CCDC172: variants seen among roughly 807,000 people sequenced by gnomAD.
The protein encoded by CCDC172 is coiled-coil domain-containing protein 172.
Under a neutral mutation model 38.0 loss-of-function variants are expected in CCDC172, and 30 were observed. The observed-to-expected ratio is 0.79, with a 90% confidence interval of 0.59 to 1.07. The LOEUF is 1.07. CCDC172 is among the 50% of genes least tolerant of loss of function. The pLI is 0.00. For missense variants in CCDC172, 297 were observed against 290.1 expected (o/e 1.02, Z -0.17); for synonymous variants, 78 against 88.3 (o/e 0.88, Z 0.66).
chr10:116,357,271 C>T (rs1467026418), intron 5 of CCDC172, 109 bp from the exon 6 acceptor site: 8 of 643,100 alleles, frequency 1.2e-5, no homozygotes, highest in South Asian at 8.1e-5. Flanking sequence ...GTGTTGTCTT[C>T]ACTTTCTTTC....
chr10:116,378,168 G>A (rs1164274769), intron 7 of CCDC172, among the ~76,000 whole-genome samples: 2 of 152,118 alleles, frequency 1.3e-5, no homozygotes, highest in Admixed American at 6.5e-5. Flanking sequence ...ATGACAGAGC[G>A]AGACTCCATC....
chr10:116,348,056 T>C (rs749906546), intron 5 of CCDC172, among the ~76,000 whole-genome samples: 2 of 152,184 alleles, frequency 1.3e-5, no homozygotes, highest in Non-Finnish European at 2.9e-5. Flanking sequence ...GTGTGTATTA[T>C]GTTGATTTCA....
At chr10:116,353,369 T>C (rs1844956476) in intron 5 of CCDC172, among the ~76,000 whole-genome samples, 1 of 152,126 alleles carries the variant, frequency 6.6e-6, no homozygotes, top group South Asian at 2.1e-4. Flanking sequence ...GCACAAGCAA[T>C]AAAGTATAGA....
intron 5 of CCDC172, among the ~76,000 whole-genome samples, chr10:116,353,186 C>A (rs1208755292): frequency 7.1e-6 from 1 of 141,048 alleles, no homozygotes; most frequent in African/African-American, 3.0e-5. Context: ...GAGCGAGACT[C>A]CATCTCAAAA....
chr10:116,348,753 C>T (rs1413757613), intron 5 of CCDC172, among the ~76,000 whole-genome samples: 2 of 152,206 alleles, frequency 1.3e-5, no homozygotes, highest in Non-Finnish European at 2.9e-5. Context: ...CCTCACCCAG[C>T]AGCTTCTTTG....
chr10:116,352,516 G>C (rs552917839), intron 5 of CCDC172, among the ~76,000 whole-genome samples: 1 of 152,142 alleles, frequency 6.6e-6, no homozygotes, highest in African/African-American at 2.4e-5. Context: ...CTAAATGGAG[G>C]ATATAAAAAT....
At chr10:116,362,894 T>A (rs1295874987) in intron 7 of CCDC172, among the ~76,000 whole-genome samples, 1 of 152,182 alleles carries the variant, frequency 6.6e-6, no homozygotes, top group Non-Finnish European at 1.5e-5. Flanking sequence ...CTAATAGAGA[T>A]CCCCTGTTTT....
Position 116,342,124 on chromosome 10 carries a change from AAAG to A in CCDC172, c.373_375del (p.Arg125del), listed in dbSNP as rs1326655852. 3.9e-6 allele frequency: 6 copies of A among 1,552,274 alleles called. No individual in the cohort carries two copies. On this transcript the variant is annotated inframe_deletion, in exon 5 of 9. Coordinates refer to ENST00000333254, the MANE Select transcript of CCDC172 (RefSeq NM_198515.3). ...AATAATGATTATGAAATAACAAAGA[AAAG>A]AGAGCTTTTGATGAAAGAAAATGTC...
intron 3 of CCDC172, among the ~76,000 whole-genome samples, chr10:116,339,663 A>T (rs542753345): frequency 6.6e-6 from 1 of 151,944 alleles, no homozygotes; most frequent in African/African-American, 2.4e-5. Flanking sequence ...ATGGGCTACG[A>T]TCTTATATAA....
intron 5 of CCDC172, among the ~76,000 whole-genome samples, chr10:116,354,189 C>T (rs1221905873): frequency 1.3e-5 from 2 of 152,120 alleles, no homozygotes; most frequent in African/African-American, 4.8e-5. Flanking sequence ...GTAAACAAAC[C>T]TATTGTGCTG....
chr10:116,362,215 A>T (rs538107630), intron 7 of CCDC172, among the ~76,000 whole-genome samples: 1 of 152,304 alleles, frequency 6.6e-6, no homozygotes, highest in South Asian at 2.1e-4. Context: ...TACTGTCAGA[A>T]TTTATTTCTG....
chr10:116,355,586 A>G (rs890781495), intron 5 of CCDC172, among the ~76,000 whole-genome samples: 1 of 152,214 alleles, frequency 6.6e-6, no homozygotes, highest in African/African-American at 2.4e-5. Context: ...CACGTGAGGA[A>G]TCCAAAAACA....
intron 3 of CCDC172, among the ~76,000 whole-genome samples, chr10:116,337,616 A>G (rs1188137321): frequency 6.6e-6 from 1 of 152,198 alleles, no homozygotes. Context: ...ACACAGAAGC[A>G]ATGGATTTTT....
chr10:116,339,981 T>C (rs1183589590), intron 3 of CCDC172, among the ~76,000 whole-genome samples: 1 of 152,098 alleles, frequency 6.6e-6, no homozygotes, highest in African/African-American at 2.4e-5. Context: ...CGATGCTTTC[T>C]TATGAGGGCT....
At chr10:116,373,807 A>T (rs1845214052) in intron 7 of CCDC172, among the ~76,000 whole-genome samples, 1 of 152,276 alleles carries the variant, frequency 6.6e-6, no homozygotes, top group Non-Finnish European at 1.5e-5. Flanking sequence ...GGTCTGGCCA[A>T]GTAAAGCAGT....
intron 5 of CCDC172, among the ~76,000 whole-genome samples, chr10:116,345,409 A>G (rs1235439524): frequency 2.0e-5 from 3 of 152,186 alleles, no homozygotes; most frequent in South Asian, 4.1e-4. Context: ...ATAGGAGAAA[A>G]TCTTTTCCAT....
intron 3 of CCDC172, among the ~76,000 whole-genome samples, chr10:116,329,502 C>T (rs972692649): frequency 2.0e-5 from 3 of 152,222 alleles, no homozygotes; most frequent in African/African-American, 7.2e-5. Context: ...AGTGCTAACA[C>T]TAGGACAGCC....
rs1220452265 is a variant in CCDC172 at position 116,379,650 on chromosome 10, A to T, written c.*292A>T. ...GGCTTCTTATATGCCCCTGAACCTC[A>T]AGCTGTCCTATTCTTTCTAATCTAT... On this transcript the variant is annotated 3_prime_UTR_variant, in exon 9 of 9. Transcript: ENST00000333254. 4.1e-6 allele frequency: 1 copy of T among 244,360 alleles called. No individual in the cohort carries two copies. Among genetic ancestry groups the T allele is most frequent in the African/African-American group, 2.3e-5 (1 of 44,406 alleles). 15.1% of individuals were successfully genotyped at this position (244,360 alleles called of 1,614,324 possible).
At chr10:116,356,988 C>T (rs1019478534) in intron 5 of CCDC172, among the ~76,000 whole-genome samples, 11 of 152,190 alleles carry the variant, frequency 7.2e-5, no homozygotes, top group Non-Finnish European at 1.3e-4. Flanking sequence ...TAAAATTAAC[C>T]GTATGCTGCT....
Sources: gnomAD v4.1 joint callset for allele counts (sites outside exome capture counted in the v4.1 genomes callset) on GRCh38, gnomAD v4.1.1 for gene constraint, MANE v1.5 for transcripts, NCBI Gene and HGNC (gene_info 2026-07-23, HGNC 2026-07-21) for gene names.